The following DLG2 variants were observed in gnomAD, a reference collection of about 807,000 sequenced individuals.
DLG2 encodes the protein disks large homolog 2.
DLG2 carries 45 observed loss-of-function variants against 132.5 expected under a neutral mutation model. The ratio of observed to expected loss-of-function variants is 0.34; its 90% CI spans 0.27 to 0.44. The LOEUF is 0.44. DLG2 is among the 20% of genes least tolerant of loss of function. The probability of loss-of-function intolerance (pLI) is 1.00; values close to 1 mark genes in which losing one functional copy is unlikely to be tolerated. For synonymous variants in DLG2, 424 were observed against 419.6 expected, an observed-to-expected ratio of 1.01 and a Z score of -0.13; for missense variants, 1,045 against 1,196.9, an observed-to-expected ratio of 0.87 and a Z score of 1.87.
intron 6 of DLG2, among the ~76,000 whole-genome samples, chr11:84,708,271 G>A (rs1057110377): frequency 6.6e-6 from 1 of 151,796 alleles, no homozygotes. Flanking sequence ...ACTAGTTTAC[G>A]AAGGCTTTCT....
intron 3 of DLG2, among the ~76,000 whole-genome samples, chr11:85,508,345 C>A (rs2093981533): frequency 6.6e-6 from 1 of 152,012 alleles, no homozygotes; most frequent in South Asian, 2.1e-4. Context: ...ACACCATGTA[C>A]ACTCCTGCCA....
At chr11:83,772,800 A>C (rs977243724) in intron 18 of DLG2, among the ~76,000 whole-genome samples, 2 of 152,176 alleles carry the variant, frequency 1.3e-5, no homozygotes, top group Non-Finnish European at 2.9e-5. Context: ...AATACCAATA[A>C]GATTTACCTG....
chr11:84,955,513 T>A (rs2051532763), intron 6 of DLG2: 1 of 152,152 alleles, frequency 6.6e-6, no homozygotes, highest in Admixed American at 6.5e-5. Context: ...GATTTTAGAC[T>A]TCATGCAACA....
At chr11:84,685,529 T>G (rs910502886) in intron 6 of DLG2, among the ~76,000 whole-genome samples, 1 of 152,180 alleles carries the variant, frequency 6.6e-6, no homozygotes, top group African/African-American at 2.4e-5. Flanking sequence ...CTCATACATA[T>G]ATTACCCATT....
chr11:84,112,366 A>C (rs1420190800), intron 9 of DLG2, among the ~76,000 whole-genome samples: 1 of 102,414 alleles, frequency 9.8e-6, no homozygotes. Context: ...TATGACTACC[A>C]CTTTTCATTC....
At chr11:83,802,174 G>A (rs1393770191) in intron 17 of DLG2, among the ~76,000 whole-genome samples, 1 of 151,628 alleles carries the variant, frequency 6.6e-6, no homozygotes, top group African/African-American at 2.4e-5. Flanking sequence ...AAAAATTGTA[G>A]AGCAACCAAT....
At chr11:83,714,624 G>C (rs756723579) in intron 18 of DLG2, among the ~76,000 whole-genome samples, 28 of 152,180 alleles carry the variant, frequency 1.8e-4, no homozygotes, top group Admixed American at 7.2e-4. Context: ...AAGATGAGTA[G>C]CATTTCTAAA....
chr11:85,400,642 T>C (rs2087970593), intron 3 of DLG2, among the ~76,000 whole-genome samples: 1 of 144,880 alleles, frequency 6.9e-6, no homozygotes, highest in African/African-American at 2.6e-5. Flanking sequence ...GGGACATGGA[T>C]GAAATTGGAA....
At chr11:83,594,599 A>C (rs2097252980) in intron 19 of DLG2, among the ~76,000 whole-genome samples, 1 of 152,202 alleles carries the variant, frequency 6.6e-6, no homozygotes, top group Non-Finnish European at 1.5e-5. Flanking sequence ...TACAGGGAAA[A>C]CTATCTAAGA....
intron 6 of DLG2, among the ~76,000 whole-genome samples, chr11:85,009,194 T>C (rs927092576): frequency 1.3e-5 from 2 of 152,058 alleles, no homozygotes; most frequent in African/African-American, 4.8e-5. Flanking sequence ...AGAATGCTTG[T>C]ATAAGACCTA....
intron 21 of DLG2, among the ~76,000 whole-genome samples, chr11:83,521,927 C>T (rs1390012901): frequency 6.6e-6 from 1 of 152,116 alleles, no homozygotes; most frequent in African/African-American, 2.4e-5. Context: ...CAAACACAGC[C>T]TGTCACTCCT....
chr11:84,258,608 G>A (rs2097511158), intron 7 of DLG2, among the ~76,000 whole-genome samples: 1 of 152,152 alleles, frequency 6.6e-6, no homozygotes, highest in South Asian at 2.1e-4. Flanking sequence ...AAGGAGAGAA[G>A]AAAGGAAGAA....
chr11:83,686,985 T>C (rs113149760), intron 18 of DLG2, among the ~76,000 whole-genome samples: 8 of 152,280 alleles, frequency 5.3e-5, no homozygotes, highest in African/African-American at 1.9e-4. Flanking sequence ...TAGTTCAATA[T>C]GGCTGATGTT....
chr11:84,465,424 C>T (rs557416862), intron 7 of DLG2, among the ~76,000 whole-genome samples: 2 of 151,278 alleles, frequency 1.3e-5, no homozygotes, highest in Non-Finnish European at 3.0e-5. Context: ...AAAGAATGCA[C>T]ATTCATCATA....
chr11:84,827,095 C>T (rs1050026804), intron 6 of DLG2, among the ~76,000 whole-genome samples: 6 of 151,616 alleles, frequency 4.0e-5, no homozygotes, highest in African/African-American at 1.2e-4. Context: ...CTAATAATAC[C>T]GCAGAGCACA....
At chr11:84,396,049 A>T (rs2154444041) in intron 7 of DLG2, among the ~76,000 whole-genome samples, 1 of 152,362 alleles carries the variant, frequency 6.6e-6, no homozygotes. Context: ...GCCTGCTCTT[A>T]GATTTTGACC....
chr11:83,934,879 T>A (rs2081117017), intron 14 of DLG2, among the ~76,000 whole-genome samples: 1 of 152,170 alleles, frequency 6.6e-6, no homozygotes, highest in South Asian at 2.1e-4. Flanking sequence ...AAAGGAACTG[T>A]GAAATGAAAA....
chr11:83,714,670 T>A (rs1262323471), intron 18 of DLG2, among the ~76,000 whole-genome samples: 1 of 152,238 alleles, frequency 6.6e-6, no homozygotes, highest in Non-Finnish European at 1.5e-5. Context: ...GTAACAGCTA[T>A]CATTACAGGA....
intron 10 of DLG2, among the ~76,000 whole-genome samples, chr11:84,071,254 CTTT>C (rs895695770): frequency 6.6e-6 from 1 of 150,958 alleles, no homozygotes; most frequent in East Asian, 1.9e-4. Context: ...ATCACACTGG[CTTT>C]TTTTTTATTT....
Sources: allele counts gnomAD v4.1 joint callset (sites outside exome capture counted in the v4.1 genomes callset), GRCh38; gene constraint gnomAD v4.1.1; transcripts MANE v1.5; gene names NCBI Gene and HGNC (gene_info 2026-07-23, HGNC 2026-07-21).